Variants in COL26A1 observed in about 807,000 individuals in gnomAD.
COL26A1 encodes collagen alpha-1(XXVI) chain.
Under a neutral mutation model 59.3 loss-of-function variants are expected in COL26A1, and 41 were observed. That is an observed-to-expected ratio of 0.69 (90% CI 0.54 to 0.90). The LOEUF is 0.90. Among genes scored for constraint, COL26A1 ranks in the 40% least tolerant of loss-of-function variants. The pLI, the probability that COL26A1 is intolerant of heterozygous loss-of-function variation, is 0.00. For synonymous variants in COL26A1, 266 were observed against 256.0 expected, an observed-to-expected ratio of 1.04 and a Z score of -0.37; for missense variants, 612 against 602.3, an observed-to-expected ratio of 1.02 and a Z score of -0.17.
At chr7:101,513,982 T>C (rs1794977663) in intron 3 of COL26A1, among the ~76,000 whole-genome samples, 1 of 152,040 alleles carries the variant, frequency 6.6e-6, no homozygotes, top group Non-Finnish European at 1.5e-5. Context: ...GAAACAGAAA[T>C]GGCTCAAAAA....
intron 3 of COL26A1, among the ~76,000 whole-genome samples, chr7:101,476,847 A>ATTT (rs140791070): frequency 1.8e-5 from 2 of 111,960 alleles, no homozygotes; most frequent in Non-Finnish European, 2.0e-5. Flanking sequence ...ATGCCCAGCC[A>ATTT]TTTTTTTTTT....
chr7:101,400,576 GA>G (rs1227185902), intron 1 of COL26A1, among the ~76,000 whole-genome samples: 2 of 151,410 alleles, frequency 1.3e-5, no homozygotes, highest in Non-Finnish European at 2.9e-5. Flanking sequence ...TATTTGTTTT[GA>G]GATGGAGTTT....
At chr7:101,522,434 G>C (rs1183741913) in intron 3 of COL26A1, among the ~76,000 whole-genome samples, 1 of 152,170 alleles carries the variant, frequency 6.6e-6, no homozygotes, top group Non-Finnish European at 1.5e-5. Flanking sequence ...CACAGCTCTG[G>C]GGGCTGAGAA....
intron 3 of COL26A1, among the ~76,000 whole-genome samples, chr7:101,488,524 C>T (rs554508352): frequency 1.1e-4 from 17 of 150,596 alleles, no homozygotes; most frequent in African/African-American, 3.7e-4. Context: ...TATAGGTGCC[C>T]GCCACCACGC....
At chr7:101,528,316 G>T (rs532005501) in intron 3 of COL26A1, among the ~76,000 whole-genome samples, 1 of 152,288 alleles carries the variant, frequency 6.6e-6, no homozygotes, top group Non-Finnish European at 1.5e-5. Flanking sequence ...TGTTGCCTCA[G>T]GCCCTTGAAA....
chr7:101,424,411 A>C (rs1376983695), intron 2 of COL26A1, among the ~76,000 whole-genome samples: 1 of 152,042 alleles, frequency 6.6e-6, no homozygotes, highest in African/African-American at 2.4e-5. Context: ...CAGCCTGGCC[A>C]ACATGGTGAA....
At chr7:101,551,985 C>T (rs1795873030) in intron 10 of COL26A1, among the ~76,000 whole-genome samples, 1 of 152,164 alleles carries the variant, frequency 6.6e-6, no homozygotes, top group Non-Finnish European at 1.5e-5. Context: ...AAACTGGCCA[C>T]TAAGGCTCAG....
Position 101,363,144 on chromosome 7 carries a change from C to G in COL26A1, c.112C>G (p.Pro38Ala). ...CGCAGCTCTGCAGCAGCACGGCTACCCCGAGCCCGGCGCCGGCTCCCCTGG... is the reference window on the plus strand; with the variant it reads ...CGCAGCTCTGCAGCAGCACGGCTACGCCGAGCCCGGCGCCGGCTCCCCTGG... ...SAAALQQHGY[P>A]EPGAGSPGSG... The change falls in exon 1 of 13, where the codon CCC (proline) becomes GCC (alanine). Residue 38 changes from proline (P) to alanine (A), a missense_variant. Coordinates refer to ENST00000313669, the MANE Select transcript of COL26A1 (RefSeq NM_001278563.3). 6.6e-7 allele frequency: 1 copy of G among 1,516,952 alleles called. No individual in the cohort carries two copies. The highest frequency in any genetic ancestry group is 8.8e-7 in the Non-Finnish European group (1 of 1,139,938). 94.0% of individuals were successfully genotyped at this position (1,516,952 alleles called of 1,614,324 possible). A position where few individuals can be genotyped will look rare whatever the true frequency, so the allele number is the denominator to read the frequency against.
intron 3 of COL26A1, among the ~76,000 whole-genome samples, chr7:101,499,051 A>G (rs1304828345): frequency 2.0e-5 from 3 of 152,224 alleles, no homozygotes; most frequent in East Asian, 1.9e-4. Context: ...TTCGGCCTCA[A>G]TGCTTTCCAG....
In COL26A1 at chr7:101,435,877, A is replaced by T. The variant is rs574708417; in HGVS notation, c.282-11807A>T. On this transcript the variant is annotated intron_variant, in intron 2 of 12. Coordinates refer to ENST00000313669, the MANE Select transcript of COL26A1 (RefSeq NM_001278563.3). ...CTCCGGGGCTTCATCTGCCTCCTTC[A>T]TTCCCCTCTGCCAGACGGCCCCCTG... Among the ~76,000 whole-genome samples, 9 of 152,160 alleles carry T rather than the reference A, an allele frequency of 5.9e-5. No homozygotes were observed. In the East Asian group the frequency reaches 1.7e-3, roughly 29 times the overall value.
chr7:101,461,883 C>T (rs1793621841), intron 3 of COL26A1, among the ~76,000 whole-genome samples: 1 of 152,116 alleles, frequency 6.6e-6, no homozygotes, highest in Non-Finnish European at 1.5e-5. Flanking sequence ...GGTTGCCGGT[C>T]CACTCCAGCC....
At chr7:101,385,976 G>A (rs1791564842) in intron 1 of COL26A1, among the ~76,000 whole-genome samples, 1 of 152,158 alleles carries the variant, frequency 6.6e-6, no homozygotes. Flanking sequence ...CTCCCAAAGT[G>A]TTGGGATTAC....
chr7:101,488,940 G>C (rs537268315), intron 3 of COL26A1, among the ~76,000 whole-genome samples: 3 of 152,280 alleles, frequency 2.0e-5, no homozygotes, highest in South Asian at 2.1e-4. Context: ...GTTCCTGTAA[G>C]TTAATTGTGT....
At chr7:101,452,858 G>A (rs1384932191) in intron 3 of COL26A1, among the ~76,000 whole-genome samples, 2 of 151,926 alleles carry the variant, frequency 1.3e-5, no homozygotes, top group Non-Finnish European at 2.9e-5. Flanking sequence ...TCCGCCTCCT[G>A]GGTTCAACGG....
At position 101,403,713 on chromosome 7, in the gene COL26A1, G is replaced by T. The variant is rs866628733; in HGVS notation, c.159-16264G>T. Among the ~76,000 whole-genome samples the T allele has an allele frequency of 1.4e-4, 22 of 152,204 alleles. No individual in the cohort carries two copies. In the South Asian group the frequency reaches 1.7e-3, roughly 11 times the overall value. ...TTCAATGGCAGTCCTCTTCTCTTCT[G>T]TTGGCCCACATTTTAAAACAGCTTT... is the stretch of plus-strand genomic sequence containing the variant. On this transcript the variant is annotated intron_variant, in intron 1 of 12. Transcript: ENST00000313669.
chr7:101,465,871 G>T (rs1369388895), intron 3 of COL26A1, among the ~76,000 whole-genome samples: 1 of 152,098 alleles, frequency 6.6e-6, no homozygotes. Context: ...TCTTCTGGGG[G>T]TCCACACGTG....
intron 1 of COL26A1, among the ~76,000 whole-genome samples, chr7:101,398,802 C>T (rs1791923879): frequency 6.6e-6 from 1 of 152,060 alleles, no homozygotes; most frequent in African/African-American, 2.4e-5. Flanking sequence ...TGAGTCGAAG[C>T]CCTTCATCAT....
intron 3 of COL26A1, among the ~76,000 whole-genome samples, chr7:101,499,071 G>A (rs892461925): frequency 3.9e-5 from 6 of 152,224 alleles, no homozygotes; most frequent in African/African-American, 7.2e-5. Flanking sequence ...GATTGGGGGC[G>A]CGAGGCATAG....
chr7:101,548,804 G>A (rs777072429), intron 8 of COL26A1, among the ~76,000 whole-genome samples: 12 of 152,160 alleles, frequency 7.9e-5, no homozygotes, highest in Non-Finnish European at 1.6e-4. Flanking sequence ...CCCAGCAAGA[G>A]GGATGGGTCC....
Sources: gnomAD v4.1 joint callset for allele counts (sites outside exome capture counted in the v4.1 genomes callset) on GRCh38, gnomAD v4.1.1 for gene constraint, MANE v1.5 for transcripts, NCBI Gene and HGNC (gene_info 2026-07-23, HGNC 2026-07-21) for gene names.